FGF12: variants seen among roughly 807,000 people sequenced by gnomAD.
FGF12 encodes the protein fibroblast growth factor 12, also known as fibroblast growth factor 12B.
FGF12 carries 14 observed loss-of-function variants against 23.6 expected under a neutral mutation model. The observed-to-expected ratio is 0.59, with a 90% CI of 0.39 to 0.93. The LOEUF (loss-of-function observed/expected upper bound fraction) is 0.93, where lower values mean the gene tolerates loss of function less well. Among genes scored for constraint, FGF12 ranks in the 40% least tolerant of loss-of-function variants. The pLI, the probability that FGF12 is intolerant of heterozygous loss-of-function variation, is 0.00. For missense variants in FGF12, 175 were observed against 217.8 expected (o/e 0.80, Z 1.24); for synonymous variants, 62 against 77.3 (o/e 0.80, Z 1.04).
At chr3:192,188,928 T>A (rs1577217445) in intron 4 of FGF12, among the ~76,000 whole-genome samples, 1 of 152,350 alleles carries the variant, frequency 6.6e-6, no homozygotes, top group Non-Finnish European at 1.5e-5. Context: ...AATCTCTAAT[T>A]TCTTATGAAA....
At chr3:192,254,849 A>T (rs910409553) in intron 4 of FGF12, among the ~76,000 whole-genome samples, 2 of 152,082 alleles carry the variant, frequency 1.3e-5, no homozygotes, top group Non-Finnish European at 2.9e-5. Context: ...ATCCTTCCTT[A>T]ATATTTATTT....
intron 4 of FGF12, among the ~76,000 whole-genome samples, chr3:192,324,207 C>G (rs950830062): frequency 6.6e-6 from 1 of 152,064 alleles, no homozygotes; most frequent in African/African-American, 2.4e-5. Context: ...AAATGCAACT[C>G]TCTTTCAACA....
At chr3:192,485,712 A>G (rs1017663237) in intron 2 of FGF12, among the ~76,000 whole-genome samples, 3 of 152,184 alleles carry the variant, frequency 2.0e-5, no homozygotes, top group African/African-American at 4.8e-5. Context: ...AAGTAAAAAA[A>G]CCAAGAAATT....
At chr3:192,473,786 G>A (rs945314847) in intron 2 of FGF12, among the ~76,000 whole-genome samples, 1 of 152,216 alleles carries the variant, frequency 6.6e-6, no homozygotes, top group African/African-American at 2.4e-5. Context: ...AGAACGGTGA[G>A]CAGACATTTG....
At chr3:192,373,963 C>T (rs570964492) in intron 2 of FGF12, among the ~76,000 whole-genome samples, 19 of 152,242 alleles carry the variant, frequency 1.2e-4, no homozygotes, top group South Asian at 1.2e-3. Flanking sequence ...CTTATGGAGA[C>T]GGTCAGCTTG....
chr3:192,598,204 C>T (rs1293748698), intron 2 of FGF12, among the ~76,000 whole-genome samples: 1 of 152,176 alleles, frequency 6.6e-6, no homozygotes, highest in Non-Finnish European at 1.5e-5. Context: ...TACACAACTA[C>T]AGTTAGAAAA....
At chr3:192,667,901 T>A (rs1716953518) in intron 2 of FGF12, among the ~76,000 whole-genome samples, 1 of 152,068 alleles carries the variant, frequency 6.6e-6, no homozygotes, top group Non-Finnish European at 1.5e-5. Context: ...GGAAGAAAAA[T>A]GTTATCAGAC....
chr3:192,449,053 A>T (rs73066281), intron 2 of FGF12, among the ~76,000 whole-genome samples: 7,239 of 152,264 alleles, frequency 0.048, 594 homozygotes, highest in African/African-American at 0.16. Flanking sequence ...GGCTTTTAAA[A>T]TCAAATCTCA....
chr3:192,400,167 T>A (rs1720697837), intron 2 of FGF12, among the ~76,000 whole-genome samples: 8 of 152,146 alleles, frequency 5.3e-5, no homozygotes, highest in African/African-American at 1.7e-4. Context: ...GGCCTATAAA[T>A]ACTACAAACG....
chr3:192,665,004 C>A (rs1030871208), intron 2 of FGF12, among the ~76,000 whole-genome samples: 7 of 152,114 alleles, frequency 4.6e-5, no homozygotes, highest in Non-Finnish European at 1.0e-4. Flanking sequence ...CCTCATCTGG[C>A]GTTCAGTAAG....
chr3:192,168,739 G>A (rs1715370137), intron 5 of FGF12, among the ~76,000 whole-genome samples: 1 of 152,058 alleles, frequency 6.6e-6, no homozygotes, highest in Non-Finnish European at 1.5e-5. Flanking sequence ...AACTATTATA[G>A]AAGACAAAGG....
chr3:192,627,981 C>T (rs1188946801), intron 2 of FGF12, among the ~76,000 whole-genome samples: 1 of 151,970 alleles, frequency 6.6e-6, no homozygotes, highest in Admixed American at 6.6e-5. Context: ...CTTTTATAAA[C>T]ATACTCTCCT....
chr3:192,139,963 A>G lies in FGF12; in HGVS notation c.*4046T>C, dbSNP rs1252537417. On this transcript the variant is annotated 3_prime_UTR_variant, in exon 6 of 6. Coordinates refer to ENST00000445105, the MANE Select transcript of FGF12 (RefSeq NM_004113.6). ...AGATAACTTTTTGTAACTAAAAAAT[A>G]ATTTCCTGTGCATCACAAGGGGGAT... The G allele has an allele frequency of 6.6e-6, 1 of 152,040 alleles. No homozygotes were observed. Among genetic ancestry groups the G allele is most frequent in the East Asian group, 1.9e-4 (1 of 5,188 alleles). 9.4% of individuals were successfully genotyped at this position (152,040 alleles called of 1,614,324 possible).
intron 2 of FGF12, among the ~76,000 whole-genome samples, chr3:192,613,652 GA>G (rs1051858792): frequency 6.6e-6 from 1 of 151,524 alleles, no homozygotes; most frequent in Admixed American, 6.6e-5. Flanking sequence ...CATGTTCAAA[GA>G]AAAAAATAGG....
chr3:192,223,633 G>C (rs1362572774), intron 4 of FGF12, among the ~76,000 whole-genome samples: 1 of 152,014 alleles, frequency 6.6e-6, no homozygotes, highest in East Asian at 1.9e-4. Flanking sequence ...CATTTCACTT[G>C]AAAATTATCC....
intron 2 of FGF12, among the ~76,000 whole-genome samples, chr3:192,532,813 TG>T (rs1725124942): frequency 6.6e-6 from 1 of 152,326 alleles, no homozygotes; most frequent in South Asian, 2.1e-4. Context: ...TATGGTTTTT[TG>T]CTTGTTTATT....
intron 4 of FGF12, among the ~76,000 whole-genome samples, chr3:192,205,441 C>T (rs1241439861): frequency 6.6e-6 from 1 of 152,158 alleles, no homozygotes; most frequent in Non-Finnish European, 1.5e-5. Flanking sequence ...TTCCTGAGGA[C>T]AATCAATTCC....
intron 2 of FGF12, among the ~76,000 whole-genome samples, chr3:192,714,513 A>ATTTTT (rs770781442): frequency 0.013 from 1,317 of 99,718 alleles, 104 homozygotes; most frequent in African/African-American, 0.052. Flanking sequence ...TAAGGAAATA[A>ATTTTT]TTTTTTTTTT....
At chr3:192,416,069 T>C (rs1721344500) in intron 2 of FGF12, among the ~76,000 whole-genome samples, 2 of 152,166 alleles carry the variant, frequency 1.3e-5, no homozygotes, top group South Asian at 2.1e-4. Flanking sequence ...AATATACTAT[T>C]AAAACCACAA....
Sources: allele counts gnomAD v4.1 joint callset (sites outside exome capture counted in the v4.1 genomes callset), GRCh38; gene constraint gnomAD v4.1.1; transcripts MANE v1.5; gene names NCBI Gene and HGNC (gene_info 2026-07-23, HGNC 2026-07-21).